ZNF506: variants seen among roughly 807,000 people sequenced by gnomAD.
The protein encoded by ZNF506 is zinc finger protein 506.
Under a neutral mutation model 11.6 loss-of-function variants are expected in ZNF506, and 10 were observed. The ratio of observed to expected loss-of-function variants is 0.86; its 90% CI spans 0.53 to 1.46. The LOEUF is 1.46. Ranked by LOEUF, ZNF506 falls within the 40% of genes most tolerant of loss-of-function variation. The pLI is 0.00. For synonymous variants in ZNF506, 156 were observed against 173.3 expected (o/e 0.90, Z 0.78); for missense variants, 425 against 521.2 (o/e 0.82, Z 1.80).
rs978296369 is a variant in ZNF506 at position 19,795,885 on chromosome 19, G to C, written c.227-225C>G. The C allele has an allele frequency of 3.2e-5, 16 of 506,160 alleles. No individual in the cohort carries two copies. In the African/African-American group the frequency reaches 3.2e-4, roughly 10 times the overall value. 31.4% of individuals were successfully genotyped at this position (506,160 alleles called of 1,614,324 possible). A position where few individuals can be genotyped will look rare whatever the true frequency, so the allele number is the denominator to read the frequency against. On this transcript the variant is annotated intron_variant, in intron 3 of 3. Transcript: ENST00000540806. ...GTTAAGTGTGTAAAGGGCTCCAGGT[G>C]AGCACAATGCAAAGAGCCACATAGA...
Position 19,793,756 on chromosome 19 carries a change from GAAAT to G in ZNF506, c.*792_*795del, listed in dbSNP as rs770357836. The G allele has an allele frequency of 7.2e-5, 11 of 152,340 alleles. No homozygotes were observed. Among genetic ancestry groups the G allele is most frequent in the Admixed American group, 2.0e-4 (3 of 15,302 alleles). 9.4% of individuals were successfully genotyped at this position (152,340 alleles called of 1,614,324 possible). A position where few individuals can be genotyped will look rare whatever the true frequency, so the allele number is the denominator to read the frequency against. ...TTCTCAAGGATAAAAGCTTTCCTGT[GAAAT>G]AAGGTGTAAGCACTCAAAAGTTTTG... On this transcript the variant is annotated 3_prime_UTR_variant, in exon 4 of 4. Transcript: ENST00000540806.
At chr19:19,808,843 C>CAAAAAAAAA (rs35282430) in intron 1 of ZNF506, among the ~76,000 whole-genome samples, 3 of 82,718 alleles carry the variant, frequency 3.6e-5, no homozygotes, top group African/African-American at 9.1e-5. Flanking sequence ...GACTCTGTCT[C>CAAAAAAAAA]AAAAAAAAAA....
intron 1 of ZNF506, among the ~76,000 whole-genome samples, chr19:19,809,497 T>A (rs971777767): frequency 2.6e-5 from 4 of 152,198 alleles, no homozygotes; most frequent in African/African-American, 9.6e-5. Flanking sequence ...CTGGAATTCA[T>A]TCTCAGATGA....
chr19:19,814,813 T>C (rs541596580), intron 1 of ZNF506, among the ~76,000 whole-genome samples: 1 of 152,182 alleles, frequency 6.6e-6, no homozygotes, highest in African/African-American at 2.4e-5. Context: ...TCCGTGTGCA[T>C]GCAGGCAGGT....
chr19:19,814,994 A>C (rs1003878637), intron 1 of ZNF506, among the ~76,000 whole-genome samples: 3 of 152,180 alleles, frequency 2.0e-5, no homozygotes, highest in Non-Finnish European at 4.4e-5. Context: ...GCTGTGGCTC[A>C]TGCCTGTAAT....
intron 1 of ZNF506, among the ~76,000 whole-genome samples, chr19:19,811,575 G>T (rs1477966210): frequency 6.6e-6 from 1 of 152,164 alleles, no homozygotes; most frequent in African/African-American, 2.4e-5. Flanking sequence ...AGGCCGAGGT[G>T]GGTGGATCGC....
At chr19:19,810,681 G>A (rs2062876713) in intron 1 of ZNF506, among the ~76,000 whole-genome samples, 1 of 152,112 alleles carries the variant, frequency 6.6e-6, no homozygotes, top group African/African-American at 2.4e-5. Flanking sequence ...GACTTATGGA[G>A]CAACTACTGG....
rs780916362 is a variant in ZNF506, at chr19:19,794,532, CG to C, written c.*19del. ...CTTTCCCACATTCATCACATTCATA[CG>C]GTTTCTCTCCAGTATGAATTATCTT... On this transcript the variant is annotated 3_prime_UTR_variant, in exon 4 of 4. Transcript: ENST00000540806. 5 of 1,563,544 alleles carry C rather than the reference CG, an allele frequency of 3.2e-6. No individual in the cohort carries two copies. The South Asian group carries it at 6.2e-5, about 19-fold the overall frequency.
rs1281538519 is a variant in ZNF506 at position 19,807,071 on chromosome 19, G to GA, written c.4-4dup. ...ACATCTCTAAATTGCAATGGTCCCT[G>GA]AAAAAAACACACACACTTATTTTTA... On this transcript the variant is annotated splice_region_variant and splice_polypyrimidine_tract_variant and intron_variant, in intron 1 of 3. Coordinates refer to ENST00000540806, the MANE Select transcript of ZNF506 (RefSeq NM_001099269.3). 1.2e-6 allele frequency: 2 copies of GA among 1,612,810 alleles called. No individual in the cohort carries two copies. The highest frequency in any genetic ancestry group is 2.2e-5 in the East Asian group (1 of 44,822).
In ZNF506 at chr19:19,794,551, ATTATCTTATGC is replaced by A; in HGVS notation, c.1325_1335del (p.Ser442IlefsTer19). ...TTCATACGGTTTCTCTCCAGTATGAATTATCTTATGCTTATTAAGGGTTGAGGAACATTTAA... is the reference window on the plus strand; with the variant it reads ...TTCATACGGTTTCTCTCCAGTATGAATTATTAAGGGTTGAGGAACATTTAA... On this transcript the variant is annotated frameshift_variant and stop_lost, in exon 4 of 4. Coordinates refer to ENST00000540806, the MANE Select transcript of ZNF506 (RefSeq NM_001099269.3). LOFTEE classifies it high-confidence loss of function. 6.3e-7 allele frequency: 1 copy of A among 1,582,466 alleles called. No individual in the cohort carries two copies. Among genetic ancestry groups the A allele is most frequent in the Non-Finnish European group, 8.6e-7 (1 of 1,166,974 alleles).
chr19:19,817,049 C>T (rs1350501687), intron 1 of ZNF506, among the ~76,000 whole-genome samples: 1 of 151,942 alleles, frequency 6.6e-6, no homozygotes, highest in Admixed American at 6.6e-5. Flanking sequence ...GATCCACCTG[C>T]CTCGGCTTCC....
At chr19:19,816,432 A>ACTGC (rs1374939615) in intron 1 of ZNF506, among the ~76,000 whole-genome samples, 7 of 152,116 alleles carry the variant, frequency 4.6e-5, no homozygotes, top group African/African-American at 1.7e-4. Flanking sequence ...ATCTCAGCTC[A>ACTGC]CTGCAAGCTC....
intron 3 of ZNF506, among the ~76,000 whole-genome samples, chr19:19,802,981 G>A (rs1030471610): frequency 2.0e-5 from 3 of 152,144 alleles, no homozygotes; most frequent in Non-Finnish European, 2.9e-5. Context: ...ACCAGTCTGC[G>A]TTATGTAGCA....
Position 19,806,052 on chromosome 19 carries a change from C to T in ZNF506, c.205G>A (p.Glu69Lys). ...GKKPLTMKRH[E>K]MIAKPPVMYS... Reference sequence around the variant, plus strand: ...CTACCTGGGGGTTTGGCAATCATCTCATGCCTCTTCATAGTTAAAGGTTTT... The same window carrying T: ...CTACCTGGGGGTTTGGCAATCATCTTATGCCTCTTCATAGTTAAAGGTTTT... Residue 69 changes from glutamate (E) to lysine (K), a missense_variant, in exon 3 of 4, where the codon GAG becomes AAG. Glu to Lys is a moderately conservative substitution (Grantham distance 56, BLOSUM62 1). This residue lies in a region of ZNF506 where 226 missense variants were observed against 279.1 expected (regional missense o/e 0.81). Coordinates refer to ENST00000540806, the MANE Select transcript of ZNF506 (RefSeq NM_001099269.3). The T allele has an allele frequency of 1.2e-6, 2 of 1,610,254 alleles. No homozygotes were observed. The highest frequency in any genetic ancestry group is 8.5e-7 in the Non-Finnish European group (1 of 1,178,728).
At position 19,795,635 on chromosome 19, in the gene ZNF506, G is replaced by A. The variant is rs767663008; in HGVS notation, c.252C>T (p.Asp84=). 8 of 1,511,028 alleles carry A rather than the reference G, an allele frequency of 5.3e-6. No individual in the cohort carries two copies. In the East Asian group the frequency reaches 6.9e-5, roughly 13 times the overall value. 93.6% of individuals were successfully genotyped at this position (1,511,028 alleles called of 1,614,324 possible). A position where few individuals can be genotyped will look rare whatever the true frequency, so the allele number is the denominator to read the frequency against. The change falls in exon 4 of 4, where the codon GAC becomes GAT. Residue 84 remains aspartate (D), a synonymous_variant. Coordinates refer to ENST00000540806, the MANE Select transcript of ZNF506 (RefSeq NM_001099269.3). ...CTTTTATGCTCTGCTCTGACCAAAGGTCTTGGGCAAAATGAGAATACATAA... is the reference window on the plus strand; with the variant it reads ...CTTTTATGCTCTGCTCTGACCAAAGATCTTGGGCAAAATGAGAATACATAA... The part of the protein sequence containing the change: ...PPVMYSHFAQ[D]LWSEQSIKDS...
chr19:19,819,842 T>C (rs1029281507), intron 1 of ZNF506, among the ~76,000 whole-genome samples: 1 of 152,206 alleles, frequency 6.6e-6, no homozygotes, highest in Non-Finnish European at 1.5e-5. Context: ...CTCACGCCTG[T>C]AATCCCAGCA....
intron 1 of ZNF506, 44 bp from the exon 2 acceptor site, chr19:19,807,112 T>C: frequency 6.2e-7 from 1 of 1,608,962 alleles, no homozygotes; most frequent in South Asian, 1.1e-5. Flanking sequence ...TGGCCATGGG[T>C]GGAATTTTTA....
Position 19,816,741 on chromosome 19 carries a change from C to T in ZNF506, c.3+4860G>A, listed in dbSNP as rs373914472. ...CCAACCTCAGGTGATCTGCTCAACTCGGCCTCCACAGGCTGAGTGCTGGGA... is the reference window on the plus strand; with the variant it reads ...CCAACCTCAGGTGATCTGCTCAACTTGGCCTCCACAGGCTGAGTGCTGGGA... On this transcript the variant is annotated intron_variant, in intron 1 of 3. Transcript: ENST00000540806. Among the ~76,000 whole-genome samples the T allele has an allele frequency of 9.9e-5, 15 of 151,788 alleles. No homozygotes were observed. In the East Asian group the frequency reaches 1.9e-3, roughly 20 times the overall value.
At chr19:19,811,846 T>A (rs1288178496) in intron 1 of ZNF506, among the ~76,000 whole-genome samples, 2 of 152,102 alleles carry the variant, frequency 1.3e-5, no homozygotes, top group Non-Finnish European at 2.9e-5. Context: ...GATGTAGACA[T>A]CAGAAGCCAC....
Sources: gnomAD v4.1 joint callset for allele counts (sites outside exome capture counted in the v4.1 genomes callset) on GRCh38, gnomAD v4.1.1 for gene constraint, gnomAD v4.1.1 regional missense constraint, MANE v1.5 for transcripts, NCBI Gene and HGNC (gene_info 2026-07-23, HGNC 2026-07-21) for gene names.